Variants in HPD observed in about 807,000 individuals in gnomAD.
HPD encodes 4-hydroxyphenylpyruvic acid oxidase.
HPD carries 35 observed loss-of-function variants against 56.9 expected under a neutral mutation model. The ratio of observed to expected loss-of-function variants is 0.62; its 90% CI spans 0.47 to 0.82. HPD has a LOEUF of 0.82. HPD is among the 40% of genes least tolerant of loss of function. HPD has a pLI of 0.00. For missense variants in HPD, 442 were observed against 506.8 expected (o/e 0.87, Z 1.23); for synonymous variants, 186 against 200.2 (o/e 0.93, Z 0.60).
chr12:121,863,220 G>A (rs1347180186), upstream of HPD, among the ~76,000 whole-genome samples: 5 of 151,960 alleles, frequency 3.3e-5, no homozygotes, highest in African/African-American at 1.2e-4. Flanking sequence ...TTGGCCTCAG[G>A]TGATCTTCCC....
chr12:121,884,826 C>G, the HPD span, among the ~76,000 whole-genome samples: 1 of 152,010 alleles, frequency 6.6e-6, no homozygotes, highest in Non-Finnish European at 1.5e-5. Flanking sequence ...AAATAATTTA[C>G]AGAGTCACCA....
chr12:121,839,947 C>G lies in HPD; in HGVS notation c.1056G>C (p.Gln352His). ...DRPTLFLEVI[Q>H]RHNHQGFGAG... Reference sequence around the variant, plus strand: ...CAAGCAGTACCTGGTGGTTGTGGCGCTGGATGACTTCCAGGAAGAGCGTGG... The same window carrying G: ...CAAGCAGTACCTGGTGGTTGTGGCGGTGGATGACTTCCAGGAAGAGCGTGG... Residue 352 changes from glutamine (Q) to histidine (H), a missense_variant, in exon 13 of 14, where the codon CAG (glutamine) becomes CAC (histidine). Physicochemically the swap from Gln to His is conservative, Grantham distance 24 (BLOSUM62 0). Coordinates refer to ENST00000289004, the MANE Select transcript of HPD (RefSeq NM_002150.3). The G allele has an allele frequency of 6.2e-7, 1 of 1,613,922 alleles. No individual in the cohort carries two copies. The highest frequency in any genetic ancestry group is 8.5e-7 in the Non-Finnish European group (1 of 1,179,834).
rs544712363 is a variant in HPD, at chr12:121,845,399, A to G, written c.831+1463T>C. Among the ~76,000 whole-genome samples, 18 of 149,532 alleles carry G rather than the reference A, an allele frequency of 1.2e-4. No individual in the cohort carries two copies. In the East Asian group the frequency reaches 2.9e-3, roughly 24 times the overall value. On this transcript the variant is annotated intron_variant, in intron 11 of 13. Coordinates refer to ENST00000289004, the MANE Select transcript of HPD (RefSeq NM_002150.3). ...ATCACAAGATCAGGAGATCGAGACCATCCTGGCTAACACAGTGAAACCCCG... is the reference window on the plus strand; with the variant it reads ...ATCACAAGATCAGGAGATCGAGACCGTCCTGGCTAACACAGTGAAACCCCG...
At chr12:121,846,280 G>A (rs1029192132) in intron 11 of HPD, among the ~76,000 whole-genome samples, 2 of 152,086 alleles carry the variant, frequency 1.3e-5, no homozygotes, top group Admixed American at 6.6e-5. Flanking sequence ...ACAGTGGTGC[G>A]ACCTTGGCTC....
At chr12:121,877,590 G>A in the HPD span, among the ~76,000 whole-genome samples, 2 of 152,130 alleles carry the variant, frequency 1.3e-5, no homozygotes, top group Admixed American at 1.3e-4. Flanking sequence ...AAAATGAGCC[G>A]AGTGTGGTGG....
At chr12:121,879,800 C>T in the HPD span, among the ~76,000 whole-genome samples, 4 of 152,158 alleles carry the variant, frequency 2.6e-5, no homozygotes, top group African/African-American at 9.6e-5. Context: ...TTTGTCATGG[C>T]AATAAATACA....
rs1401148780 is a variant in HPD at position 121,846,888 on chromosome 12, G to A, written c.805C>T (p.Leu269Phe). ...NGGAGVQHIALKTEDIITAIR... is the reference protein window; with the variant it reads ...NGGAGVQHIAFKTEDIITAIR... ...GCTGTGATGATGTCTTCGGTCTTGA[G>A]AGCGATGTGCTGGACCCCAGCGCCC... The change falls in exon 11 of 14, where the codon CTC (leucine) becomes TTC (phenylalanine). Residue 269 changes from leucine (L) to phenylalanine (F), a missense_variant. By Grantham distance (22) the Leu-to-Phe change is conservative. Coordinates refer to ENST00000289004, the MANE Select transcript of HPD (RefSeq NM_002150.3). 2 of 1,614,178 alleles carry A rather than the reference G, an allele frequency of 1.2e-6. No homozygotes were observed. The highest frequency in any genetic ancestry group is 1.7e-6 in the Non-Finnish European group (2 of 1,180,018).
chr12:121,882,608 G>A, the HPD span, among the ~76,000 whole-genome samples: 1 of 152,180 alleles, frequency 6.6e-6, no homozygotes, highest in African/African-American at 2.4e-5. Flanking sequence ...AATCTCCAGT[G>A]CATGGGACAG....
At chr12:121,844,540 GA>G (rs1446097012) in intron 11 of HPD, among the ~76,000 whole-genome samples, 13 of 148,594 alleles carry the variant, frequency 8.7e-5, no homozygotes, top group Non-Finnish European at 1.9e-4. Flanking sequence ...TTGAAGTCAG[GA>G]GTTGGAGACC....
chr12:121,849,122 A>C (rs1226597597), intron 8 of HPD, 46 bp from the exon 9 acceptor site: 3 of 1,212,882 alleles, frequency 2.5e-6, no homozygotes, highest in Non-Finnish European at 2.5e-6. Flanking sequence ...TACCCCCCAG[A>C]TTGCTCCCTT....
chr12:121,861,335 CAAA>C (rs34622089), upstream of HPD, among the ~76,000 whole-genome samples: 2 of 122,500 alleles, frequency 1.6e-5, no homozygotes, highest in African/African-American at 3.0e-5. Flanking sequence ...GACTCTGTCT[CAAA>C]AAAAAAAAAA....
chr12:121,843,664 AG>A (rs1365670764), intron 12 of HPD, 45 bp downstream of exon 12: 8 of 1,611,058 alleles, frequency 5.0e-6, no homozygotes, highest in Non-Finnish European at 5.9e-6. Flanking sequence ...TGCAATGCAG[AG>A]CTCATACTCC....
chr12:121,843,860 C>A, intron 11 of HPD, 28 bp from the exon 12 acceptor site: 1 of 1,613,958 alleles, frequency 6.2e-7, no homozygotes, highest in Non-Finnish European at 8.5e-7. Flanking sequence ...TGAGGTCAGC[C>A]TTCGGCCTCC....
intron 9 of HPD, 37 bp from the exon 10 acceptor site, chr12:121,847,251 G>T: frequency 6.2e-7 from 1 of 1,608,522 alleles, no homozygotes; most frequent in Non-Finnish European, 8.5e-7. Flanking sequence ...TGCTCTGAGC[G>T]CCTCCAGGGA....
At chr12:121,853,665 C>CTGGCACGG (rs1877889429) in intron 7 of HPD, among the ~76,000 whole-genome samples, 1 of 139,752 alleles carries the variant, frequency 7.2e-6, no homozygotes, top group African/African-American at 2.7e-5. Flanking sequence ...AGAAAACAGC[C>CTGGCACGG]TGGCACGGTG....
the HPD span, among the ~76,000 whole-genome samples, chr12:121,884,173 T>C: frequency 4.0e-3 from 12 of 2,984 alleles, no homozygotes; most frequent in African/African-American, 0.056. Flanking sequence ...TTTCCTCTCT[T>C]TTTTTTTTTT....
chr12:121,869,828 A>G, the HPD span, among the ~76,000 whole-genome samples: 20 of 152,082 alleles, frequency 1.3e-4, no homozygotes, highest in South Asian at 2.1e-4. Context: ...CCTGGCCTTC[A>G]CTTTCTTAAT....
Position 121,839,571 on chromosome 12 carries a change from G to A in HPD, c.*157C>T. The A allele has an allele frequency of 1.5e-6, 1 of 657,262 alleles. No homozygotes were observed. Among genetic ancestry groups the A allele is most frequent in the Non-Finnish European group, 2.7e-6 (1 of 365,370 alleles). 40.7% of individuals were successfully genotyped at this position (657,262 alleles called of 1,614,324 possible). A position where few individuals can be genotyped will look rare whatever the true frequency, so the allele number is the denominator to read the frequency against. On this transcript the variant is annotated 3_prime_UTR_variant, in exon 14 of 14. Transcript: ENST00000289004. ...AATCGGGAGGGCTGGAGCAGAGGGCGGCCCCGCCGAGGGGCGTGGTCAGTG... is the reference window on the plus strand; with the variant it reads ...AATCGGGAGGGCTGGAGCAGAGGGCAGCCCCGCCGAGGGGCGTGGTCAGTG...
upstream of HPD, among the ~76,000 whole-genome samples, chr12:121,860,903 A>T (rs1356936011): frequency 6.6e-6 from 1 of 151,318 alleles, no homozygotes; most frequent in Non-Finnish European, 1.5e-5. Flanking sequence ...GAGAACTTGT[A>T]TCAAAAATAG....
Sources: allele counts gnomAD v4.1 joint callset (sites outside exome capture counted in the v4.1 genomes callset), GRCh38; gene constraint gnomAD v4.1.1; transcripts MANE v1.5; gene names NCBI Gene and HGNC (gene_info 2026-07-23, HGNC 2026-07-21).